NR3C2: variants seen among roughly 807,000 people sequenced by gnomAD.
The protein encoded by NR3C2 is mineralocorticoid receptor.
A neutral mutation model predicts 86.4 loss-of-function variants in NR3C2; 15 were observed. The observed-to-expected ratio is 0.17, with a 90% confidence interval of 0.12 to 0.27. NR3C2 has a LOEUF of 0.27. Ranked by LOEUF, NR3C2 falls within the 10% of genes least tolerant of loss-of-function variation. NR3C2 has a pLI of 1.00. For synonymous variants in NR3C2, 458 were observed against 450.5 expected (o/e 1.02, Z -0.21); for missense variants, 960 against 1,195.6 (o/e 0.80, Z 2.91).
At chr4:148,278,048 T>G (rs1741043141) in intron 2 of NR3C2, among the ~76,000 whole-genome samples, 1 of 152,184 alleles carries the variant, frequency 6.6e-6, no homozygotes, top group Non-Finnish European at 1.5e-5. Context: ...AAAGGAAATA[T>G]TTTTAAGAAT....
chr4:148,342,398 G>T (rs60214975), intron 2 of NR3C2, among the ~76,000 whole-genome samples: 3 of 152,114 alleles, frequency 2.0e-5, no homozygotes, highest in African/African-American at 7.2e-5. Flanking sequence ...TTTGTAATGC[G>T]CAAGGCCCTG....
At chr4:148,213,137 G>GTT (rs11335509) in intron 3 of NR3C2, among the ~76,000 whole-genome samples, 1 of 146,980 alleles carries the variant, frequency 6.8e-6, no homozygotes. Flanking sequence ...ACAATGATGG[G>GTT]TTTTTTTTTT....
rs868455864 is a variant in NR3C2, at chr4:148,094,754, A to T, written c.2800-13255T>A. On this transcript the variant is annotated intron_variant, in intron 8 of 8. Coordinates refer to ENST00000358102, the MANE Select transcript of NR3C2 (RefSeq NM_000901.5). ...AAAAAAACAAAAAAACAAAAAAAAA[A>T]CAAAATATGTTCACAGCAGCATTAT... Among the ~76,000 whole-genome samples, 7 of 152,042 alleles carry T rather than the reference A, an allele frequency of 4.6e-5. No individual in the cohort carries two copies. The East Asian group carries it at 1.2e-3, about 25-fold the overall frequency.
At chr4:148,292,160 CT>C (rs556923624) in intron 2 of NR3C2, among the ~76,000 whole-genome samples, 3 of 151,018 alleles carry the variant, frequency 2.0e-5, no homozygotes, top group Non-Finnish European at 4.4e-5. Flanking sequence ...CCTATTATGT[CT>C]TTTTTTTATG....
chr4:148,352,372 T>TCATC (rs1304336678), intron 2 of NR3C2, among the ~76,000 whole-genome samples: 2 of 136,244 alleles, frequency 1.5e-5, no homozygotes, highest in East Asian at 4.3e-4. Context: ...ACAACTCCTA[T>TCATC]CATCTATCTA....
intron 6 of NR3C2, among the ~76,000 whole-genome samples, chr4:148,143,664 G>A (rs1578933761): frequency 6.6e-6 from 1 of 152,202 alleles, no homozygotes; most frequent in East Asian, 1.9e-4. Flanking sequence ...AAAAACAACA[G>A]GCTGGGCGCG....
intron 4 of NR3C2, among the ~76,000 whole-genome samples, chr4:148,193,636 G>T (rs1270609235): frequency 6.6e-6 from 1 of 152,020 alleles, no homozygotes; most frequent in Non-Finnish European, 1.5e-5. Context: ...TTTAAATTTT[G>T]TATTTTTGTA....
rs995486992 is a variant in NR3C2, at chr4:148,240,644, G to C, written c.1897+19334C>G. On this transcript the variant is annotated intron_variant, in intron 3 of 8. Transcript: ENST00000358102. ...GTCAGGTGGCAGAAGTGATGGACTTGTATCTTAAACCTATAGCTCCCCATT... is the reference window on the plus strand; with the variant it reads ...GTCAGGTGGCAGAAGTGATGGACTTCTATCTTAAACCTATAGCTCCCCATT... Among the ~76,000 whole-genome samples the C allele has an allele frequency of 3.3e-5, 5 of 152,240 alleles. No homozygotes were observed. The South Asian group carries it at 1.0e-3, about 32-fold the overall frequency.
At chr4:148,183,392 G>A (rs900844861) in intron 4 of NR3C2, among the ~76,000 whole-genome samples, 8 of 152,144 alleles carry the variant, frequency 5.3e-5, no homozygotes, top group Non-Finnish European at 7.4e-5. Flanking sequence ...TTGAGGAATC[G>A]CCACACTGTC....
intron 2 of NR3C2, among the ~76,000 whole-genome samples, chr4:148,366,325 G>A (rs1217589644): frequency 7.4e-6 from 1 of 135,054 alleles, no homozygotes; most frequent in Non-Finnish European, 1.6e-5. Flanking sequence ...TGCAGTCATG[G>A]CTTGCTCCCT....
chr4:148,099,536 TTTC>T (rs1172797648), intron 8 of NR3C2, among the ~76,000 whole-genome samples: 1 of 152,246 alleles, frequency 6.6e-6, no homozygotes, highest in Non-Finnish European at 1.5e-5. Context: ...TTACTATTAT[TTTC>T]TTTTTATAGA....
rs746388894 is a variant in NR3C2, at chr4:148,436,627, A to G, written c.234T>C (p.Asn78=). ...QELLPCLQQD[N]NRPGILTSDI... is the part of the protein sequence containing the mutation. Reference sequence around the variant, plus strand: ...CAGATGTTAAAATCCCAGGCCGATTATTGTCTTGCTGAAGGCAAGGGAGTA... The same window carrying G: ...CAGATGTTAAAATCCCAGGCCGATTGTTGTCTTGCTGAAGGCAAGGGAGTA... Residue 78 remains asparagine, a synonymous_variant, in exon 2 of 9, where the codon AAT becomes AAC. Transcript: ENST00000358102. The G allele has an allele frequency of 2.5e-6, 4 of 1,614,152 alleles. No individual in the cohort carries two copies. The East Asian group carries it at 8.9e-5, about 36-fold the overall frequency.
At chr4:148,176,931 C>T (rs907394381) in intron 4 of NR3C2, among the ~76,000 whole-genome samples, 4 of 152,264 alleles carry the variant, frequency 2.6e-5, no homozygotes, top group South Asian at 2.1e-4. Flanking sequence ...CACATTAGTA[C>T]GCTGAAGGAA....
At chr4:148,377,082 T>C (rs1746715428) in intron 2 of NR3C2, among the ~76,000 whole-genome samples, 2 of 152,234 alleles carry the variant, frequency 1.3e-5, no homozygotes, top group African/African-American at 2.4e-5. Flanking sequence ...AATTTAACTT[T>C]TAGTTTTCTC....
rs192713487 is a variant in NR3C2 at position 148,423,204 on chromosome 4, C to T, written c.1757+11900G>A. Among the ~76,000 whole-genome samples the T allele has an allele frequency of 2.1e-5, 3 of 145,604 alleles. No individual in the cohort carries two copies. In the Admixed American group the frequency reaches 2.2e-4, roughly 11 times the overall value. ...TCGCTTACCAGATTAACCTTTCTAC[C>T]CCCTTTTATGTCATTCCTGAATTAA... On this transcript the variant is annotated intron_variant, in intron 2 of 8. Transcript: ENST00000358102.
chr4:148,319,407 T>C (rs1358747454), intron 2 of NR3C2, among the ~76,000 whole-genome samples: 1 of 152,170 alleles, frequency 6.6e-6, no homozygotes, highest in Non-Finnish European at 1.5e-5. Context: ...TTTCCAATTC[T>C]GTGAAGAAAG....
chr4:148,345,764 C>T (rs908573344), intron 2 of NR3C2, among the ~76,000 whole-genome samples: 1 of 151,938 alleles, frequency 6.6e-6, no homozygotes, highest in South Asian at 2.1e-4. Context: ...TGTCTTCATT[C>T]ACTCATCCTT....
intron 1 of NR3C2, among the ~76,000 whole-genome samples, chr4:148,437,426 T>A (rs1216082763): frequency 6.6e-6 from 1 of 152,216 alleles, no homozygotes; most frequent in Non-Finnish European, 1.5e-5. Flanking sequence ...CCAAGTGAAT[T>A]ATCATAGGAA....
At chr4:148,317,667 G>C (rs1303199263) in intron 2 of NR3C2, among the ~76,000 whole-genome samples, 1 of 151,916 alleles carries the variant, frequency 6.6e-6, no homozygotes, top group East Asian at 1.9e-4. Context: ...AATTTTCCTT[G>C]AAAATACATC....
Sources: gnomAD v4.1 joint callset for allele counts (sites outside exome capture counted in the v4.1 genomes callset) on GRCh38, gnomAD v4.1.1 for gene constraint, MANE v1.5 for transcripts, NCBI Gene and HGNC (gene_info 2026-07-23, HGNC 2026-07-21) for gene names.